SLC10A7: variants seen among roughly 807,000 people sequenced by gnomAD.
SLC10A7 encodes sodium/bile acid cotransporter 7.
A neutral mutation model predicts 43.2 loss-of-function variants in SLC10A7; 29 were observed. That is an observed-to-expected ratio of 0.67 (90% CI 0.50 to 0.92). The LOEUF (loss-of-function observed/expected upper bound fraction) is 0.92, where lower values mean the gene tolerates loss of function less well. Ranked by LOEUF, SLC10A7 falls within the 40% of genes least tolerant of loss-of-function variation. SLC10A7 has a pLI of 0.00. For missense variants in SLC10A7, 295 were observed against 403.2 expected (o/e 0.73, Z 2.30); for synonymous variants, 152 against 144.8 (o/e 1.05, Z -0.35).
intron 5 of SLC10A7, among the ~76,000 whole-genome samples, chr4:146,334,412 G>A (rs1351578476): frequency 3.9e-5 from 6 of 152,106 alleles, no homozygotes. Flanking sequence ...GGAGTACATG[G>A]AGGGCTGAGT....
At chr4:146,454,507 T>C (rs1371335543) in intron 4 of SLC10A7, among the ~76,000 whole-genome samples, 1 of 151,848 alleles carries the variant, frequency 6.6e-6, no homozygotes, top group Non-Finnish European at 1.5e-5. Flanking sequence ...ACACTGTCTG[T>C]TTTATATATT....
intron 5 of SLC10A7, among the ~76,000 whole-genome samples, chr4:146,386,657 C>CT (rs1264284408): frequency 6.6e-6 from 1 of 152,046 alleles, no homozygotes; most frequent in African/African-American, 2.4e-5. Flanking sequence ...TTTACTCTTT[C>CT]TTTTTTTTGG....
chr4:146,492,564 G>T (rs1735557395), intron 4 of SLC10A7, among the ~76,000 whole-genome samples: 1 of 151,972 alleles, frequency 6.6e-6, no homozygotes, highest in Admixed American at 6.6e-5. Flanking sequence ...GAAAGATGGG[G>T]TTTTGCCATG....
At chr4:146,265,913 A>G (rs1406858041) in intron 10 of SLC10A7, among the ~76,000 whole-genome samples, 2 of 152,232 alleles carry the variant, frequency 1.3e-5, no homozygotes, top group African/African-American at 4.8e-5. Context: ...AAGAAAATGT[A>G]TTGAAAAACA....
At chr4:146,476,460 T>C (rs1377660024) in intron 4 of SLC10A7, among the ~76,000 whole-genome samples, 1 of 152,128 alleles carries the variant, frequency 6.6e-6, no homozygotes, top group East Asian at 1.9e-4. Flanking sequence ...GTCTTCTCTT[T>C]AGCAAATGCC....
intron 7 of SLC10A7, among the ~76,000 whole-genome samples, chr4:146,300,204 T>C (rs892119362): frequency 6.6e-6 from 1 of 152,072 alleles, no homozygotes; most frequent in Non-Finnish European, 1.5e-5. Flanking sequence ...GAATAGAGTA[T>C]GTGAGCTTAG....
chr4:146,372,408 T>C (rs1736857249), intron 5 of SLC10A7, among the ~76,000 whole-genome samples: 1 of 150,272 alleles, frequency 6.7e-6, no homozygotes, highest in Non-Finnish European at 1.5e-5. Context: ...GAGCTGCAAT[T>C]GCACCACTGA....
At chr4:146,344,407 G>C (rs924438768) in intron 5 of SLC10A7, among the ~76,000 whole-genome samples, 4 of 152,186 alleles carry the variant, frequency 2.6e-5, no homozygotes, top group Admixed American at 6.6e-5. Flanking sequence ...AACTAGGTTA[G>C]AGCCACGCTG....
chr4:146,510,218 T>C (rs1737326777), intron 2 of SLC10A7, among the ~76,000 whole-genome samples, 169 bp from the exon 3 acceptor site: 3 of 152,078 alleles, frequency 2.0e-5, no homozygotes, highest in South Asian at 2.1e-4. Flanking sequence ...GATAAAAAAG[T>C]TACTCATGAA....
chr4:146,271,518 T>C (rs1164063656), intron 10 of SLC10A7, among the ~76,000 whole-genome samples: 1 of 152,168 alleles, frequency 6.6e-6, no homozygotes, highest in Admixed American at 6.6e-5. Context: ...CTCTTGAGTC[T>C]TCCTTTCTCA....
intron 4 of SLC10A7, among the ~76,000 whole-genome samples, chr4:146,502,326 A>G (rs1245271571): frequency 1.3e-5 from 2 of 152,232 alleles, no homozygotes; most frequent in South Asian, 4.1e-4. Context: ...CTGTATGACC[A>G]CTTTAAAAAA....
intron 10 of SLC10A7, among the ~76,000 whole-genome samples, chr4:146,259,612 C>T (rs1728098389): frequency 6.6e-6 from 1 of 152,122 alleles, no homozygotes; most frequent in Non-Finnish European, 1.5e-5. Flanking sequence ...AAAATCAGGG[C>T]TGAATGTTTA....
intron 9 of SLC10A7, among the ~76,000 whole-genome samples, chr4:146,284,882 GA>G (rs1729789320): frequency 6.6e-6 from 1 of 152,198 alleles, no homozygotes; most frequent in East Asian, 1.9e-4. Flanking sequence ...ACATACATGA[GA>G]AAGAGGAGAG....
At chr4:146,294,442 C>T (rs1268688968) in intron 7 of SLC10A7, among the ~76,000 whole-genome samples, 1 of 152,166 alleles carries the variant, frequency 6.6e-6, no homozygotes, top group Non-Finnish European at 1.5e-5. Flanking sequence ...GTGTAATTAT[C>T]ACAGTCCCCT....
chr4:146,447,712 A>C (rs17021514), intron 4 of SLC10A7, among the ~76,000 whole-genome samples: 1 of 151,946 alleles, frequency 6.6e-6, no homozygotes, highest in African/African-American at 2.4e-5. Context: ...AATATTGACT[A>C]GATTGACTTC....
intron 4 of SLC10A7, among the ~76,000 whole-genome samples, chr4:146,495,085 A>T (rs954452916): frequency 6.7e-6 from 1 of 150,068 alleles, no homozygotes; most frequent in African/African-American, 2.5e-5. Context: ...CTGTTCTTTC[A>T]TCTGTTAAAG....
intron 5 of SLC10A7, among the ~76,000 whole-genome samples, chr4:146,333,856 A>G (rs898765523): frequency 3.3e-5 from 5 of 152,078 alleles, no homozygotes; most frequent in African/African-American, 1.2e-4. Flanking sequence ...AACACATTAA[A>G]GCAGAAGATT....
intron 4 of SLC10A7, among the ~76,000 whole-genome samples, chr4:146,453,767 C>G (rs902348374): frequency 6.6e-6 from 1 of 151,880 alleles, no homozygotes; most frequent in Non-Finnish European, 1.5e-5. Context: ...CTTAACTGTT[C>G]AACAAAAATC....
chr4:146,373,974 A>G (rs1029267488), intron 5 of SLC10A7, among the ~76,000 whole-genome samples: 4 of 152,204 alleles, frequency 2.6e-5, no homozygotes, highest in Non-Finnish European at 5.9e-5. Flanking sequence ...AACAGTATGT[A>G]CAGATTGGTT....
Sources: allele counts gnomAD v4.1 joint callset (sites outside exome capture counted in the v4.1 genomes callset), GRCh38; gene constraint gnomAD v4.1.1; transcripts MANE v1.5; gene names NCBI Gene and HGNC (gene_info 2026-07-23, HGNC 2026-07-21).